DENND1B: variants seen among roughly 807,000 people sequenced by gnomAD.
DENND1B encodes DENN domain-containing protein 1B.
A neutral mutation model predicts 90.1 loss-of-function variants in DENND1B; 59 were observed. The ratio of observed to expected loss-of-function variants is 0.65; its 90% CI spans 0.53 to 0.81. The LOEUF (loss-of-function observed/expected upper bound fraction) is 0.81, where lower values mean the gene tolerates loss of function less well. DENND1B is among the 40% of genes least tolerant of loss of function. DENND1B has a pLI of 0.00. For missense variants in DENND1B, 862 were observed against 912.6 expected, an observed-to-expected ratio of 0.94 and a Z score of 0.71; for synonymous variants, 337 against 324.6, an observed-to-expected ratio of 1.04 and a Z score of -0.41.
At chr1:197,668,119 A>G (rs533087278) in intron 5 of DENND1B, among the ~76,000 whole-genome samples, 2 of 152,312 alleles carry the variant, frequency 1.3e-5, no homozygotes, top group South Asian at 4.1e-4. Context: ...CTCTACAAAT[A>G]TAACAACATA....
intron 3 of DENND1B, among the ~76,000 whole-genome samples, chr1:197,702,139 T>G (rs1659100004): frequency 6.6e-6 from 1 of 152,168 alleles, no homozygotes; most frequent in Non-Finnish European, 1.5e-5. Context: ...AAACAGAATA[T>G]TCCCAAAACA....
At chr1:197,726,104 CAT>C (rs1344300938) in intron 2 of DENND1B, among the ~76,000 whole-genome samples, 1 of 151,634 alleles carries the variant, frequency 6.6e-6, no homozygotes, top group African/African-American at 2.4e-5. Context: ...AAGCAGATAA[CAT>C]AAAATTTACA....
At chr1:197,605,603 T>A (rs1185085836) in intron 13 of DENND1B, 3 of 151,154 alleles carry the variant, frequency 2.0e-5, no homozygotes, top group Admixed American at 1.3e-4. Flanking sequence ...TATTTCTCTA[T>A]CCATTGAATA....
At chr1:197,716,274 G>GA (rs1558437150) in intron 2 of DENND1B, among the ~76,000 whole-genome samples, 1 of 150,252 alleles carries the variant, frequency 6.7e-6, no homozygotes, top group African/African-American at 2.5e-5. Flanking sequence ...AAATTAAAAA[G>GA]AAAAAAGTAA....
At chr1:197,666,257 C>T (rs1275542347) in intron 5 of DENND1B, among the ~76,000 whole-genome samples, 1 of 152,124 alleles carries the variant, frequency 6.6e-6, no homozygotes, top group Non-Finnish European at 1.5e-5. Flanking sequence ...GTAGCTTTTT[C>T]AATTTATGAA....
rs368840160 is a variant in DENND1B, at chr1:197,544,938, GAAGGGA to G, written c.1350+978_1350+983del. 7.7e-3 allele frequency among the ~76,000 whole-genome samples: 417 copies of G among 53,890 alleles called. 13 individuals carry two copies. The highest frequency in any genetic ancestry group is 0.013 in the South Asian group (15 of 1,130). 35.4% of individuals were successfully genotyped at this position (53,890 alleles called of 152,430 possible). A position where few individuals can be genotyped will look rare whatever the true frequency, so the allele number is the denominator to read the frequency against. Reference sequence around the variant, plus strand: ...AAAGAAGAAGAAAAGAGAAGAAGAAGAAGGGAGAAGAGAGAAGGGAGAAGGAGAAGG... The same window carrying G: ...AAAGAAGAAGAAAAGAGAAGAAGAAGGAAGAGAGAAGGGAGAAGGAGAAGG... On this transcript the variant is annotated intron_variant, in intron 18 of 22. Coordinates refer to ENST00000620048, the MANE Select transcript of DENND1B (RefSeq NM_001195215.2).
At chr1:197,743,137 G>T (rs992535715) in intron 2 of DENND1B, among the ~76,000 whole-genome samples, 1 of 152,152 alleles carries the variant, frequency 6.6e-6, no homozygotes, top group African/African-American at 2.4e-5. Flanking sequence ...TTATTAACAT[G>T]ATATTAACAA....
chr1:197,753,981 A>T (rs531505146), intron 2 of DENND1B, among the ~76,000 whole-genome samples: 2 of 152,116 alleles, frequency 1.3e-5, no homozygotes, highest in African/African-American at 4.8e-5. Context: ...GCCTGGCAAC[A>T]GAGCAAGATT....
At chr1:197,561,247 G>A (rs758424830) in intron 15 of DENND1B, among the ~76,000 whole-genome samples, 4 of 151,816 alleles carry the variant, frequency 2.6e-5, no homozygotes, top group Admixed American at 2.6e-4. Flanking sequence ...CACCACGTCA[G>A]CAAAATTGCT....
At chr1:197,583,063 C>T in intron 15 of DENND1B, 89 bp downstream of exon 15, 1 of 1,210,478 alleles carries the variant, frequency 8.3e-7, no homozygotes, top group Non-Finnish European at 1.2e-6. Context: ...AGATGCTACT[C>T]AGGGTTTGTA....
At chr1:197,721,901 A>C (rs1661217003) in intron 2 of DENND1B, among the ~76,000 whole-genome samples, 1 of 152,196 alleles carries the variant, frequency 6.6e-6, no homozygotes, top group African/African-American at 2.4e-5. Context: ...CACTGGAACC[A>C]CATGATTTAA....
At chr1:197,627,801 T>C (rs2125888148) in intron 10 of DENND1B, among the ~76,000 whole-genome samples, 1 of 152,244 alleles carries the variant, frequency 6.6e-6, no homozygotes, top group South Asian at 2.1e-4. Context: ...GCCCAAAATC[T>C]CCTGAAGCTG....
At chr1:197,770,407 G>A (rs890685742) in intron 2 of DENND1B, among the ~76,000 whole-genome samples, 1 of 151,928 alleles carries the variant, frequency 6.6e-6, no homozygotes, top group Non-Finnish European at 1.5e-5. Context: ...CTCATGAAAA[G>A]TGGAAAAGAG....
At chr1:197,590,329 C>A (rs1305135629) in intron 14 of DENND1B, among the ~76,000 whole-genome samples, 1 of 152,060 alleles carries the variant, frequency 6.6e-6, no homozygotes, top group Non-Finnish European at 1.5e-5. Context: ...GAGGATGAAT[C>A]CAGGCAGTAT....
intron 20 of DENND1B, among the ~76,000 whole-genome samples, chr1:197,519,573 C>T (rs1003457350): frequency 1.3e-5 from 2 of 151,882 alleles, no homozygotes; most frequent in African/African-American, 4.8e-5. Context: ...TTAAATTGAA[C>T]AGTCATACAA....
chr1:197,524,852 C>G (rs1405590807), intron 20 of DENND1B, among the ~76,000 whole-genome samples: 1 of 152,116 alleles, frequency 6.6e-6, no homozygotes, highest in Non-Finnish European at 1.5e-5. Flanking sequence ...TAGAATTTGA[C>G]TAAAGAAATC....
intron 10 of DENND1B, among the ~76,000 whole-genome samples, chr1:197,637,043 T>C (rs1021213929): frequency 1.5e-4 from 23 of 152,146 alleles, no homozygotes; most frequent in African/African-American, 5.3e-4. Flanking sequence ...AATTATAGTA[T>C]GTGAAAACAT....
rs537701963 is a variant in DENND1B at position 197,684,620 on chromosome 1, T to C, written c.127-10451A>G. Reference sequence around the variant, plus strand: ...TAACAAATGTGAGTCTTATCTGCCATAGATTGTTCTATTCCCTTGAAATTA... The same window carrying C: ...TAACAAATGTGAGTCTTATCTGCCACAGATTGTTCTATTCCCTTGAAATTA... On this transcript the variant is annotated intron_variant, in intron 3 of 22. Transcript: ENST00000620048. 5.9e-4 allele frequency among the ~76,000 whole-genome samples: 90 copies of C among 152,272 alleles called. No homozygotes were observed. In the Middle Eastern group the frequency reaches 0.01, roughly 17 times the overall value.
At chr1:197,629,275 C>G (rs1679095085) in intron 10 of DENND1B, among the ~76,000 whole-genome samples, 1 of 151,894 alleles carries the variant, frequency 6.6e-6, no homozygotes, top group African/African-American at 2.4e-5. Flanking sequence ...TTGGAACCAA[C>G]CCAAATGTCC....
Sources: allele counts gnomAD v4.1 joint callset (sites outside exome capture counted in the v4.1 genomes callset), GRCh38; gene constraint gnomAD v4.1.1; transcripts MANE v1.5; gene names NCBI Gene and HGNC (gene_info 2026-07-23, HGNC 2026-07-21).